GPR107: variants seen among roughly 807,000 people sequenced by gnomAD.
The protein encoded by GPR107 is protein GPR107.
In GPR107, 31 loss-of-function variants were observed where a neutral mutation model predicts 75.5. That is an observed-to-expected ratio of 0.41 (90% confidence interval 0.31 to 0.55). The LOEUF (loss-of-function observed/expected upper bound fraction) is 0.55, where lower values mean the gene tolerates loss of function less well. Ranked by LOEUF, GPR107 falls within the 20% of genes least tolerant of loss-of-function variation. GPR107 has a pLI of 0.26. For missense variants in GPR107, 572 were observed against 665.7 expected (o/e 0.86, Z 1.55); for synonymous variants, 267 against 251.3 (o/e 1.06, Z -0.59).
At chr9:130,094,572 C>T (rs959476562) in intron 9 of GPR107, among the ~76,000 whole-genome samples, 1 of 151,798 alleles carries the variant, frequency 6.6e-6, no homozygotes, top group African/African-American at 2.4e-5. Context: ...GACTCTGTCT[C>T]TAAGAAAGAA....
At chr9:130,095,973 G>C (rs1830857993) in intron 9 of GPR107, among the ~76,000 whole-genome samples, 1 of 152,196 alleles carries the variant, frequency 6.6e-6, no homozygotes, top group Non-Finnish European at 1.5e-5. Flanking sequence ...GGGGAAACGA[G>C]AGCCAGTGTC....
intron 12 of GPR107, among the ~76,000 whole-genome samples, chr9:130,102,829 G>A (rs757694061): frequency 7.2e-5 from 11 of 152,096 alleles, no homozygotes; most frequent in East Asian, 1.9e-4. Context: ...TCTGTCGCCC[G>A]GGCTGGAGTA....
At position 130,077,371 on chromosome 9, in the gene GPR107, A is replaced by G; in HGVS notation, c.379A>G (p.Arg127Gly). The G allele has an allele frequency of 6.8e-7, 1 of 1,461,700 alleles. No homozygotes were observed. Among genetic ancestry groups the G allele is most frequent in the Non-Finnish European group, 9.6e-7 (1 of 1,040,730 alleles). The allele number at this position is 1,461,700 out of a possible 1,614,324, so 90.5% of individuals were successfully genotyped here. A position where few individuals can be genotyped will look rare whatever the true frequency, so the allele number is the denominator to read the frequency against. ...CACCCTTTTAATCCTAGACATCTCC[A>G]GAAGTGAGTAAGTAATTCTAAAGTT... is the stretch of plus-strand genomic sequence containing the variant. ...SVTLLILDIS[R>G]SEVRVKSPPE... The change falls in exon 4 of 18, where the codon AGA becomes GGA. Residue 127 changes from arginine to glycine, a missense_variant. By Grantham distance (125) the Arg-to-Gly change is moderately radical. Coordinates refer to ENST00000347136, the MANE Select transcript of GPR107 (RefSeq NM_020960.5).
chr9:130,053,954 G>A lies in GPR107; in HGVS notation c.22G>A (p.Gly8Ser), dbSNP rs539189068. 2.6e-6 allele frequency: 4 copies of A among 1,556,144 alleles called. No homozygotes were observed. The highest frequency in any genetic ancestry group is 2.4e-5 in the East Asian group (1 of 41,416). Residue 8 changes from glycine (G) to serine (S), a missense_variant, in exon 1 of 18, where the codon GGC (glycine) becomes AGC (serine). Coordinates refer to ENST00000347136, the MANE Select transcript of GPR107 (RefSeq NM_020960.5). MAALAPV[G>S]SPASRGPRLA... Reference sequence around the variant, plus strand: ...AAACATGGCCGCTCTGGCGCCCGTCGGCTCCCCCGCCTCCCGCGGTCCTAG... The same window carrying A: ...AAACATGGCCGCTCTGGCGCCCGTCAGCTCCCCCGCCTCCCGCGGTCCTAG...
At chr9:130,134,061 T>C (rs782318806) in intron 17 of GPR107, among the ~76,000 whole-genome samples, 11 of 152,148 alleles carry the variant, frequency 7.2e-5, no homozygotes, top group Non-Finnish European at 8.8e-5. Flanking sequence ...GTTGATTGAT[T>C]GAATTTATTT....
At chr9:130,072,215 T>C (rs1471868391) in intron 1 of GPR107, among the ~76,000 whole-genome samples, 4 of 151,468 alleles carry the variant, frequency 2.6e-5, no homozygotes, top group African/African-American at 4.8e-5. Context: ...TATTTTTTTA[T>C]TTATTTAATT....
intron 1 of GPR107, among the ~76,000 whole-genome samples, chr9:130,066,515 G>A (rs563326279): frequency 3.0e-4 from 45 of 152,104 alleles, no homozygotes; most frequent in African/African-American, 1.0e-3. Flanking sequence ...ACTATGATCA[G>A]TATGAAAAAT....
rs777826529 is a variant in GPR107, at chr9:130,083,537, A to T, written c.527-28A>T. 11 of 1,460,994 alleles carry T rather than the reference A, an allele frequency of 7.5e-6. No individual in the cohort carries two copies. In the East Asian group the frequency reaches 2.9e-4, roughly 38 times the overall value. The allele number at this position is 1,460,994 out of a possible 1,614,324, so 90.5% of individuals were successfully genotyped here. A position where few individuals can be genotyped will look rare whatever the true frequency, so the allele number is the denominator to read the frequency against. On this transcript the variant is annotated intron_variant, in intron 5 of 17. Transcript: ENST00000347136. ...GTATCTGTAAGTTGAGTCATGCAGC[A>T]CTCTCTTTTAAATGTTCTTGCTTCT... is the stretch of plus-strand genomic sequence containing the variant.
Position 130,069,191 on chromosome 9 carries a change from A to G in GPR107, c.142-6445A>G, listed in dbSNP as rs1830138925. Among the ~76,000 whole-genome samples the G allele has an allele frequency of 2.0e-5, 3 of 152,302 alleles. No individual in the cohort carries two copies. In the South Asian group the frequency reaches 6.2e-4, roughly 32 times the overall value. On this transcript the variant is annotated intron_variant, in intron 1 of 17. Coordinates refer to ENST00000347136, the MANE Select transcript of GPR107 (RefSeq NM_020960.5). ...ACTCTGAGCCTCTGTTTCCTCATCT[A>G]CCAAATGGACATGTTTGAGGCTACT... is the stretch of plus-strand genomic sequence containing the variant.
intron 14 of GPR107, chr9:130,110,506 A>G: frequency 1.3e-6 from 1 of 757,648 alleles, no homozygotes; most frequent in Non-Finnish European, 2.4e-6. Flanking sequence ...AAATATCACA[A>G]ATACTCTGAA....
intron 14 of GPR107, among the ~76,000 whole-genome samples, chr9:130,114,029 C>CTTTTTTTTTTTTTTTTTTTTTATTT (rs60616601): frequency 1.1e-5 from 1 of 90,660 alleles, no homozygotes; most frequent in Non-Finnish European, 2.0e-5. Context: ...TCTTCTCATT[C>CTTTTTTTTTTTTTTTTTTTTTATTT]TTTTTTTTTT....
At chr9:130,065,984 A>G (rs1830060520) in intron 1 of GPR107, among the ~76,000 whole-genome samples, 1 of 152,016 alleles carries the variant, frequency 6.6e-6, no homozygotes, top group Non-Finnish European at 1.5e-5. Flanking sequence ...CTCCCCCCCA[A>G]AAGTATCTGG....
chr9:130,132,797 T>TAA (rs1197993013), intron 17 of GPR107, among the ~76,000 whole-genome samples: 1 of 134,248 alleles, frequency 7.4e-6, no homozygotes, highest in African/African-American at 2.8e-5. Flanking sequence ...AAAAATCAAA[T>TAA]AAAAAAAAAA....
At chr9:130,069,445 G>A (rs1364776173) in intron 1 of GPR107, among the ~76,000 whole-genome samples, 1 of 152,170 alleles carries the variant, frequency 6.6e-6, no homozygotes, top group African/African-American at 2.4e-5. Context: ...GAAGGTAGCT[G>A]TATCTCCATT....
chr9:130,101,315 C>T, intron 12 of GPR107, 92 bp downstream of exon 12: 2 of 726,658 alleles, frequency 2.8e-6, no homozygotes, highest in East Asian at 2.5e-5. Context: ...AGTCACCTCA[C>T]CCTGAAACCC....
At chr9:130,115,318 C>T (rs549847564) in intron 14 of GPR107, among the ~76,000 whole-genome samples, 1 of 152,198 alleles carries the variant, frequency 6.6e-6, no homozygotes, top group South Asian at 2.1e-4. Flanking sequence ...ACACACCAGC[C>T]GCATGATGTG....
At chr9:130,070,444 C>T (rs1429606376) in intron 1 of GPR107, among the ~76,000 whole-genome samples, 1 of 152,098 alleles carries the variant, frequency 6.6e-6, no homozygotes, top group Admixed American at 6.5e-5. Flanking sequence ...GCTGGGATTA[C>T]AGGCATGTGT....
intron 14 of GPR107, among the ~76,000 whole-genome samples, chr9:130,117,138 G>A (rs772456511): frequency 6.6e-6 from 1 of 151,984 alleles, no homozygotes; most frequent in Non-Finnish European, 1.5e-5. Context: ...GTAGAGATGA[G>A]GTTTTACCAT....
chr9:130,120,642 G>A (rs1370351587), intron 14 of GPR107, among the ~76,000 whole-genome samples: 2 of 152,134 alleles, frequency 1.3e-5, no homozygotes, highest in Admixed American at 6.5e-5. Context: ...CTCCTCGATC[G>A]CTCTGCATCG....
Sources: gnomAD v4.1 joint callset for allele counts (sites outside exome capture counted in the v4.1 genomes callset) on GRCh38, gnomAD v4.1.1 for gene constraint, MANE v1.5 for transcripts, NCBI Gene and HGNC (gene_info 2026-07-23, HGNC 2026-07-21) for gene names.